The following LRP8 variants were observed in gnomAD, a reference collection of about 807,000 sequenced individuals.
The protein encoded by LRP8 is low-density lipoprotein receptor-related protein 8.
In LRP8, 46 loss-of-function variants were observed where a neutral mutation model predicts 111.6. That is an observed-to-expected ratio of 0.41 (90% CI 0.33 to 0.53). The LOEUF (loss-of-function observed/expected upper bound fraction) is 0.53, where lower values mean the gene tolerates loss of function less well. Ranked by LOEUF, LRP8 falls within the 20% of genes least tolerant of loss-of-function variation. The pLI is 0.20. For missense variants in LRP8, 959 were observed against 1,297.4 expected (o/e 0.74, Z 4.01); for synonymous variants, 464 against 511.2 (o/e 0.91, Z 1.24).
intron 6 of LRP8, among the ~76,000 whole-genome samples, chr1:53,273,428 C>T (rs541708496): frequency 6.6e-6 from 1 of 152,342 alleles, no homozygotes; most frequent in South Asian, 2.1e-4. Flanking sequence ...CCCTGCTTTA[C>T]TCAGAGAAGA....
At chr1:53,299,084 C>T (rs868225320) in intron 2 of LRP8, among the ~76,000 whole-genome samples, 16 of 152,338 alleles carry the variant, frequency 1.1e-4, no homozygotes, top group Middle Eastern at 3.4e-3. Context: ...ACCCACGAGG[C>T]GCAGACACTC....
At position 53,317,207 on chromosome 1, in the gene LRP8, AG is replaced by A. The variant is rs1320162766; in HGVS notation, c.244+9665del. Among the ~76,000 whole-genome samples, 1 of 152,184 alleles carries A rather than the reference AG, an allele frequency of 6.6e-6. No homozygotes were observed. The highest frequency in any genetic ancestry group is 1.5e-5 in the Non-Finnish European group (1 of 68,020). ...TGCTGGCTTGAATGTCCCTGGATTC[AG>A]GCCACCAGGAAAGCCCACCCTTGGC... On this transcript the variant is annotated intron_variant, in intron 2 of 18. Transcript: ENST00000306052. The surrounding 1 kb of genome is among the most constrained non-coding windows in gnomAD (Gnocchi z 4.9).
At chr1:53,322,436 G>A (rs919327147) in intron 2 of LRP8, among the ~76,000 whole-genome samples, 8 of 152,140 alleles carry the variant, frequency 5.3e-5, no homozygotes, top group Non-Finnish European at 1.0e-4. Context: ...CAGGGTGTCC[G>A]GCAGGAGGAA....
In LRP8 at chr1:53,255,106, G is replaced by C. The variant is rs369209279; in HGVS notation, c.2503+11C>G. The C allele has an allele frequency of 2.7e-5, 44 of 1,612,708 alleles. No homozygotes were observed. The African/African-American group carries it at 5.3e-4, about 20-fold the overall frequency. ...TCTCTTTTCTCTTCAGTGACTGGGG[G>C]CCACACTCACCTATGGGCACGATGA... On this transcript the variant is annotated intron_variant, in intron 16 of 18. Transcript: ENST00000306052.
intron 13 of LRP8, 60 bp from the exon 14 acceptor site, chr1:53,258,531 C>T: frequency 6.6e-7 from 1 of 1,523,882 alleles, no homozygotes; most frequent in East Asian, 2.4e-5. Context: ...CTTCCTGCCT[C>T]CTGAGGATGA....
chr1:53,282,506 C>G (rs1180343907), intron 3 of LRP8, among the ~76,000 whole-genome samples: 1 of 152,114 alleles, frequency 6.6e-6, no homozygotes, highest in Non-Finnish European at 1.5e-5. Context: ...CAGGGTACCT[C>G]TATCACCAAC....
intron 16 of LRP8, among the ~76,000 whole-genome samples, chr1:53,252,873 G>C (rs1645942039): frequency 6.6e-6 from 1 of 152,202 alleles, no homozygotes; most frequent in South Asian, 2.1e-4. Context: ...CTGAGAAGAT[G>C]TTGTGAGCAT....
intron 2 of LRP8, among the ~76,000 whole-genome samples, chr1:53,308,962 C>T (rs1572654392): frequency 6.6e-6 from 1 of 152,164 alleles, no homozygotes; most frequent in South Asian, 2.1e-4. Context: ...CAGGACAGAT[C>T]CCCCCTCAGA....
At chr1:53,252,585 C>T (rs925108015) in intron 16 of LRP8, among the ~76,000 whole-genome samples, 1 of 152,000 alleles carries the variant, frequency 6.6e-6, no homozygotes, top group Admixed American at 6.6e-5. Flanking sequence ...AAAATACATT[C>T]GTAATAGCCC....
rs755660071 is a variant in LRP8 at position 53,280,581 on chromosome 1, A to T, written c.496+6T>A. ...GCAGACCCTGGAGATCTGACCCCAGACTCACAGGTAGCACAGCCGGCCTCA... is the reference window on the plus strand; with the variant it reads ...GCAGACCCTGGAGATCTGACCCCAGTCTCACAGGTAGCACAGCCGGCCTCA... On this transcript the variant is annotated splice_donor_region_variant and intron_variant, in intron 4 of 18. Coordinates refer to ENST00000306052, the MANE Select transcript of LRP8 (RefSeq NM_004631.5). The T allele has an allele frequency of 3.1e-6, 5 of 1,611,422 alleles. No homozygotes were observed.
chr1:53,277,463 CA>C (rs756927463), intron 4 of LRP8, among the ~76,000 whole-genome samples: 118 of 152,320 alleles, frequency 7.7e-4, no homozygotes, highest in Non-Finnish European at 1.2e-3. Context: ...CTCCTCATAG[CA>C]TAGCGATGCA....
intron 12 of LRP8, among the ~76,000 whole-genome samples, chr1:53,261,260 A>G (rs1646327208): frequency 6.6e-6 from 1 of 152,272 alleles, no homozygotes; most frequent in Non-Finnish European, 1.5e-5. Context: ...ACCCATGCAC[A>G]TACACATACT....
At chr1:53,265,915 T>G (rs2100390485) in intron 9 of LRP8, among the ~76,000 whole-genome samples, 1 of 152,294 alleles carries the variant, frequency 6.6e-6, no homozygotes, top group Middle Eastern at 3.4e-3. Flanking sequence ...TGTGAAGAGC[T>G]TCCCAAGCAC....
chr1:53,248,397 G>A (rs977360382), intron 18 of LRP8, among the ~76,000 whole-genome samples: 4 of 152,280 alleles, frequency 2.6e-5, no homozygotes, highest in Admixed American at 2.0e-4. Flanking sequence ...ACAGTTATCC[G>A]AGAAATGGAC....
Position 53,271,487 on chromosome 1 carries a change from C to G in LRP8, c.1007-141G>C. On this transcript the variant is annotated intron_variant, in intron 6 of 18. Transcript: ENST00000306052. ...AGGAGGGCTCCACAACCTCACTGAG[C>G]CTCAGCCTCATCTACCAGGTGTTCT... 1.0e-5 allele frequency: 9 copies of G among 882,552 alleles called. No homozygotes were observed. The South Asian group carries it at 1.5e-4, about 15-fold the overall frequency. The allele number at this position is 882,552 out of a possible 1,614,324, so 54.7% of individuals were successfully genotyped here. A position where few individuals can be genotyped will look rare whatever the true frequency, so the allele number is the denominator to read the frequency against.
rs1455813397 is a variant in LRP8, at chr1:53,244,854, A to G, written c.*2164T>C. 6.6e-6 allele frequency: 1 copy of G among 152,204 alleles called. No homozygotes were observed. Among genetic ancestry groups the G allele is most frequent in the Non-Finnish European group, 1.5e-5 (1 of 68,034 alleles). 9.4% of individuals were successfully genotyped at this position (152,204 alleles called of 1,614,324 possible). The stretch of plus-strand genomic sequence containing the variant: ...CACTGTCATCATTTTTCTTCAGTCA[A>G]AAATAATTTTACTTTCCGTTCTTAA... On this transcript the variant is annotated 3_prime_UTR_variant, in exon 19 of 19. Coordinates refer to ENST00000306052, the MANE Select transcript of LRP8 (RefSeq NM_004631.5).
intron 2 of LRP8, among the ~76,000 whole-genome samples, chr1:53,306,995 C>A (rs1432735988): frequency 6.6e-6 from 1 of 152,218 alleles, no homozygotes; most frequent in African/African-American, 2.4e-5. Context: ...GCCCAGCATT[C>A]TCCAGCAGCC....
rs755187376 is a variant in LRP8, at chr1:53,326,959, T to C, written c.158A>G (p.Gln53Arg). ...GGGGATGCAGCGCTCGTTCCGGCACTGGAATTGGTCCTTTTCGCAATCCTT... is the reference window on the plus strand; with the variant it reads ...GGGGATGCAGCGCTCGTTCCGGCACCGGAATTGGTCCTTTTCGCAATCCTT... ...PAKDCEKDQFQCRNERCIPSV... is the reference protein window; with the variant it reads ...PAKDCEKDQFRCRNERCIPSV... The change falls in exon 2 of 19, where the codon CAG becomes CGG. Residue 53 changes from glutamine to arginine, a missense_variant. Transcript: ENST00000306052. The C allele has an allele frequency of 8.1e-6, 13 of 1,613,668 alleles. No individual in the cohort carries two copies. The highest frequency in any genetic ancestry group is 1.3e-5 in the African/African-American group (1 of 74,934).
rs34790867 is a variant in LRP8 at position 53,266,181 on chromosome 1, TC to T, written c.1427+291del. On this transcript the variant is annotated intron_variant, in intron 9 of 18. Coordinates refer to ENST00000306052, the MANE Select transcript of LRP8 (RefSeq NM_004631.5). The surrounding 1 kb of genome is among the most constrained non-coding windows in gnomAD (Gnocchi z 5.0). ...TCCCCAAAGCCAGGATTTCTTCCTTTCTGCCCTGGCCAAACAGTTCCTGTGT... is the reference window on the plus strand; with the variant it reads ...TCCCCAAAGCCAGGATTTCTTCCTTTTGCCCTGGCCAAACAGTTCCTGTGT... 0.36 allele frequency among the ~76,000 whole-genome samples: 54,249 copies of T among 151,964 alleles called. 10,560 individuals carry two copies. The highest frequency in any genetic ancestry group is 0.63 in the East Asian group (3,225 of 5,138).
Sources: allele counts gnomAD v4.1 joint callset (sites outside exome capture counted in the v4.1 genomes callset), GRCh38; gene constraint gnomAD v4.1.1; non-coding constraint Gnocchi (gnomAD v3.1); transcripts MANE v1.5; gene names NCBI Gene and HGNC (gene_info 2026-07-23, HGNC 2026-07-21).